The following EPB41L1 variants were observed in gnomAD, a reference collection of about 807,000 sequenced individuals.
EPB41L1 encodes the protein erythrocyte membrane protein band 4.1 like 1, also known as band 4.1-like protein 1.
EPB41L1 carries 29 observed loss-of-function variants against 97.8 expected under a neutral mutation model. The ratio of observed to expected loss-of-function variants is 0.30; its 90% CI spans 0.22 to 0.40. The LOEUF (loss-of-function observed/expected upper bound fraction) is 0.40. Ranked by LOEUF, EPB41L1 falls within the 10% of genes least tolerant of loss-of-function variation. EPB41L1 has a pLI of 1.00. For synonymous variants in EPB41L1, 383 were observed against 459.2 expected (o/e 0.83, Z 2.12); for missense variants, 812 against 1,162.3 (o/e 0.70, Z 4.38).
At chr20:36,109,802 C>T (rs2058327466) in intron 1 of EPB41L1, 1 of 152,228 alleles carries the variant, frequency 6.6e-6, no homozygotes, top group Non-Finnish European at 1.5e-5. Flanking sequence ...GCAGGACATT[C>T]TGCCCCTGTC....
intron 3 of EPB41L1, among the ~76,000 whole-genome samples, chr20:36,176,962 A>G (rs2061265504): frequency 6.6e-6 from 1 of 151,944 alleles, no homozygotes; most frequent in Non-Finnish European, 1.5e-5. Flanking sequence ...GAAAGATTTC[A>G]CCTTCCCTGC....
chr20:36,206,048 G>A lies in EPB41L1; in HGVS notation c.1669-3440G>A. 7.8e-7 allele frequency: 1 copy of A among 1,289,886 alleles called. No individual in the cohort carries two copies. Among genetic ancestry groups the A allele is most frequent in the South Asian group, 1.2e-5 (1 of 81,034 alleles). 79.9% of individuals were successfully genotyped at this position (1,289,886 alleles called of 1,614,324 possible). On this transcript the variant is annotated intron_variant, in intron 14 of 21. Transcript: ENST00000338074. The surrounding 1 kb of genome is among the most constrained non-coding windows in gnomAD (Gnocchi z 5.5). ...GCCACAGAAGAAATGGTGGGAAACAGAAGAGCAAACACCCAGCAACAAGGA... is the reference window on the plus strand; with the variant it reads ...GCCACAGAAGAAATGGTGGGAAACAAAAGAGCAAACACCCAGCAACAAGGA...
intron 2 of EPB41L1, among the ~76,000 whole-genome samples, chr20:36,124,635 C>G (rs1284244996): frequency 6.6e-6 from 1 of 152,176 alleles, no homozygotes; most frequent in Non-Finnish European, 1.5e-5. Context: ...CCCTGCACTG[C>G]TTTTTTCACC....
At chr20:36,122,524 C>A (rs1353321762) in intron 2 of EPB41L1, among the ~76,000 whole-genome samples, 4 of 152,240 alleles carry the variant, frequency 2.6e-5, no homozygotes, top group Non-Finnish European at 5.9e-5. Context: ...AGCTCTGGCA[C>A]AGAGACTGGT....
intron 1 of EPB41L1, 129 bp downstream of exon 1, chr20:36,155,025 C>A: frequency 1.1e-6 from 1 of 872,092 alleles, no homozygotes; most frequent in Non-Finnish European, 1.6e-6. Context: ...GTCCCCTGGC[C>A]AGTGTGGGGG....
chr20:36,119,979 C>T (rs2058702157), intron 2 of EPB41L1, among the ~76,000 whole-genome samples: 1 of 152,174 alleles, frequency 6.6e-6, no homozygotes, highest in African/African-American at 2.4e-5. Context: ...GGGGTCCTCT[C>T]TCCCAGACCA....
intron 21 of EPB41L1, among the ~76,000 whole-genome samples, chr20:36,225,783 G>A (rs894764709): frequency 2.0e-5 from 3 of 151,724 alleles, no homozygotes; most frequent in Non-Finnish European, 4.4e-5. Flanking sequence ...CCAGGCTCCC[G>A]CCTTCCCATT....
chr20:36,210,090 G>A (rs1049031085), intron 15 of EPB41L1, among the ~76,000 whole-genome samples, 192 bp downstream of exon 15: 9 of 152,154 alleles, frequency 5.9e-5, no homozygotes, highest in Non-Finnish European at 1.0e-4. Context: ...CCTAACACGC[G>A]CTCCTTGGTA....
intron 2 of EPB41L1, among the ~76,000 whole-genome samples, chr20:36,137,533 TTA>T (rs1600515870): frequency 2.0e-5 from 3 of 151,634 alleles, no homozygotes; most frequent in Admixed American, 6.6e-5. Context: ...AATACTTTTT[TTA>T]TGTTTTGAGA....
chr20:36,214,370 G>T lies in EPB41L1; in HGVS notation c.2198G>T (p.Ser733Ile), dbSNP rs772875916. Residue 733 changes from serine to isoleucine, a missense_variant, in exon 17 of 22, where the codon AGT (serine) becomes ATT (isoleucine). Physicochemically the swap from Ser to Ile is moderately radical, Grantham distance 142. This residue lies in a region of EPB41L1 where 498 missense variants were observed against 622.7 expected (regional missense o/e 0.80). Coordinates refer to ENST00000338074, the MANE Select transcript of EPB41L1 (RefSeq NM_012156.2). Reference protein sequence around the residue: ...AMDNTQQVDGSASVGREFIAT... With the variant: ...AMDNTQQVDGIASVGREFIAT... ...TCCTCTGGTCAGCAGGTTGATGGGA[G>T]TGCCTCAGTGGGGAGGGAGTTCATA... The T allele has an allele frequency of 6.2e-7, 1 of 1,613,804 alleles. No homozygotes were observed. Among genetic ancestry groups the T allele is most frequent in the African/African-American group, 1.3e-5 (1 of 74,990 alleles).
At chr20:36,168,963 C>G (rs943941724) in intron 1 of EPB41L1, among the ~76,000 whole-genome samples, 2 of 151,812 alleles carry the variant, frequency 1.3e-5, no homozygotes, top group African/African-American at 2.4e-5. Flanking sequence ...CATGGTGGCT[C>G]ACGCCTGTAA....
chr20:36,115,937 G>A (rs1361125133), intron 2 of EPB41L1, among the ~76,000 whole-genome samples: 3 of 152,170 alleles, frequency 2.0e-5, no homozygotes, highest in African/African-American at 7.2e-5. Context: ...CAGAGAGTAG[G>A]TTCTGTTATT....
chr20:36,138,421 G>A (rs759590048), intron 2 of EPB41L1, among the ~76,000 whole-genome samples: 8 of 151,530 alleles, frequency 5.3e-5, no homozygotes, highest in Admixed American at 1.3e-4. Context: ...TCTCCACCCC[G>A]CCCGCTAATT....
At chr20:36,223,087 G>C (rs1242655244) in intron 21 of EPB41L1, among the ~76,000 whole-genome samples, 1 of 152,188 alleles carries the variant, frequency 6.6e-6, no homozygotes, top group Non-Finnish European at 1.5e-5. Context: ...TAGTAAAGAC[G>C]TGGTTTCACC....
At chr20:36,229,219 C>T (rs1280345116) in intron 21 of EPB41L1, 113 bp from the exon 22 acceptor site, 2 of 909,214 alleles carry the variant, frequency 2.2e-6, no homozygotes, top group East Asian at 2.6e-5. Context: ...CAAAAACAAC[C>T]TCTTGCCATG....
At chr20:36,192,585 C>T (rs951345334) in intron 11 of EPB41L1, among the ~76,000 whole-genome samples, 4 of 150,482 alleles carry the variant, frequency 2.7e-5, no homozygotes, top group Non-Finnish European at 5.9e-5. Context: ...GTAGGGAAAC[C>T]GTGGATACTC....
chr20:36,141,616 A>G (rs919975367), intron 2 of EPB41L1, among the ~76,000 whole-genome samples: 2 of 152,256 alleles, frequency 1.3e-5, no homozygotes, highest in African/African-American at 4.8e-5. Flanking sequence ...TCAGGCCAGA[A>G]GCTTTGAGAG....
rs1457223754 is a variant in EPB41L1, at chr20:36,207,739, T to A, written c.1669-1749T>A. The A allele has an allele frequency of 7.8e-7, 1 of 1,289,868 alleles. No individual in the cohort carries two copies. Among genetic ancestry groups the A allele is most frequent in the South Asian group, 1.2e-5 (1 of 81,028 alleles). The allele number at this position is 1,289,868 out of a possible 1,614,324, so 79.9% of individuals were successfully genotyped here. On this transcript the variant is annotated intron_variant, in intron 14 of 21. Transcript: ENST00000338074. This position sits in a 1 kb window ranked among gnomAD's most constrained non-coding sequence, Gnocchi z 4.9. ...GGAACTAGAGCCCGTGTCCCCCAAT[T>A]CAGGCTGTGAAACCACGCTGGCAGA...
chr20:36,118,324 C>G (rs1473827658), intron 2 of EPB41L1, among the ~76,000 whole-genome samples: 2 of 151,682 alleles, frequency 1.3e-5, no homozygotes, highest in East Asian at 3.9e-4. Context: ...AGCCACTGCA[C>G]TCCAGCCTGG....
Sources: allele counts gnomAD v4.1 joint callset (sites outside exome capture counted in the v4.1 genomes callset), GRCh38; gene constraint gnomAD v4.1.1; regional missense constraint gnomAD v4.1.1; non-coding constraint Gnocchi (gnomAD v3.1); transcripts MANE v1.5; gene names NCBI Gene and HGNC (gene_info 2026-07-23, HGNC 2026-07-21).